The following SNTB1 variants were observed in gnomAD, a reference collection of about 807,000 sequenced individuals.
The protein encoded by SNTB1 is beta-1-syntrophin.
In SNTB1, 36 loss-of-function variants were observed where a neutral mutation model predicts 48.9. The observed-to-expected ratio is 0.74, with a 90% CI of 0.56 to 0.97. The LOEUF (loss-of-function observed/expected upper bound fraction) is 0.97, where lower values mean the gene tolerates loss of function less well. Ranked by LOEUF, SNTB1 falls within the 50% of genes least tolerant of loss-of-function variation. SNTB1 has a pLI of 0.00. For missense variants in SNTB1, 786 were observed against 703.4 expected (o/e 1.12, Z -1.33); for synonymous variants, 299 against 294.6 (o/e 1.01, Z -0.15).
chr8:120,551,133 G>GT (rs1815472441), intron 4 of SNTB1, among the ~76,000 whole-genome samples: 1 of 151,748 alleles, frequency 6.6e-6, no homozygotes. Flanking sequence ...GCACGCACCT[G>GT]TAATTCCAGC....
intron 3 of SNTB1, among the ~76,000 whole-genome samples, chr8:120,616,866 G>A (rs539159412): frequency 6.6e-6 from 1 of 152,210 alleles, no homozygotes; most frequent in Non-Finnish European, 1.5e-5. Flanking sequence ...CAACGAGGAG[G>A]TGCACACAAC....
intron 5 of SNTB1, among the ~76,000 whole-genome samples, chr8:120,546,375 T>C (rs1815380880): frequency 6.6e-6 from 1 of 152,222 alleles, no homozygotes. Context: ...CCGGGTTAAA[T>C]ATGGATGGAG....
chr8:120,554,333 A>G (rs1815529739), intron 4 of SNTB1, among the ~76,000 whole-genome samples: 1 of 152,078 alleles, frequency 6.6e-6, no homozygotes, highest in Non-Finnish European at 1.5e-5. Flanking sequence ...GCCACCCTTG[A>G]CTCTGAACTG....
chr8:120,598,860 CT>C (rs1816372240), intron 3 of SNTB1, among the ~76,000 whole-genome samples: 1 of 152,134 alleles, frequency 6.6e-6, no homozygotes, highest in Non-Finnish European at 1.5e-5. Flanking sequence ...CATCTTCTCT[CT>C]CTGACTCTGC....
chr8:120,680,173 G>A (rs1192977021), intron 2 of SNTB1, among the ~76,000 whole-genome samples: 4 of 152,140 alleles, frequency 2.6e-5, no homozygotes, highest in Admixed American at 2.6e-4. Flanking sequence ...TGTCCTTCCT[G>A]CGAGGAAGAC....
At chr8:120,748,125 T>A (rs540475734) in intron 1 of SNTB1, among the ~76,000 whole-genome samples, 18 of 152,306 alleles carry the variant, frequency 1.2e-4, no homozygotes. Context: ...TCACTTCCCT[T>A]TCTCTTGTGC....
intron 2 of SNTB1, among the ~76,000 whole-genome samples, chr8:120,651,213 C>T (rs1817406643): frequency 6.6e-6 from 1 of 152,122 alleles, no homozygotes; most frequent in South Asian, 2.1e-4. Flanking sequence ...TTCCAGAGTA[C>T]TGGGATTTGC....
At chr8:120,809,198 A>T (rs1820387714) in intron 1 of SNTB1, among the ~76,000 whole-genome samples, 1 of 152,238 alleles carries the variant, frequency 6.6e-6, no homozygotes, top group Non-Finnish European at 1.5e-5. Flanking sequence ...ACTTTGGCTC[A>T]GAATAAGAGA....
intron 1 of SNTB1, among the ~76,000 whole-genome samples, chr8:120,728,713 A>C (rs1818801682): frequency 6.6e-6 from 1 of 152,154 alleles, no homozygotes; most frequent in Non-Finnish European, 1.5e-5. Context: ...ATGTATATGT[A>C]CCACATTTTC....
At chr8:120,588,927 A>G (rs1816194325) in intron 3 of SNTB1, among the ~76,000 whole-genome samples, 1 of 152,120 alleles carries the variant, frequency 6.6e-6, no homozygotes, top group South Asian at 2.1e-4. Flanking sequence ...TCTGCATACT[A>G]TTGTTTGAGC....
chr8:120,644,313 TC>T (rs1053393641), intron 2 of SNTB1, among the ~76,000 whole-genome samples: 1 of 61,054 alleles, frequency 1.6e-5, no homozygotes, highest in Non-Finnish European at 2.9e-5. Flanking sequence ...CCCTCCCCCC[TC>T]CCCCCACCCC....
chr8:120,581,108 G>GAAAA (rs1816042789), intron 3 of SNTB1, among the ~76,000 whole-genome samples: 13 of 130,462 alleles, frequency 1.0e-4, no homozygotes, highest in African/African-American at 3.5e-4. Flanking sequence ...AAAAAAAAAA[G>GAAAA]AGAAAGAAAA....
intron 3 of SNTB1, among the ~76,000 whole-genome samples, chr8:120,625,341 C>T (rs1428892605): frequency 6.6e-6 from 1 of 152,200 alleles, no homozygotes; most frequent in Non-Finnish European, 1.5e-5. Flanking sequence ...TTGTATGAAT[C>T]AGCCTACAAG....
chr8:120,782,581 T>C (rs1819848263), intron 1 of SNTB1, among the ~76,000 whole-genome samples: 1 of 152,162 alleles, frequency 6.6e-6, no homozygotes, highest in South Asian at 2.1e-4. Context: ...AAATTAGGCA[T>C]AAATATGTAT....
At chr8:120,653,894 C>T (rs1817450107) in intron 2 of SNTB1, among the ~76,000 whole-genome samples, 1 of 151,362 alleles carries the variant, frequency 6.6e-6, no homozygotes, top group Non-Finnish European at 1.5e-5. Flanking sequence ...AAAAAATTAG[C>T]CGGGCATTGT....
intron 1 of SNTB1, among the ~76,000 whole-genome samples, chr8:120,760,313 A>AAAAAAC (rs1819396400): frequency 6.6e-6 from 1 of 151,120 alleles, no homozygotes; most frequent in African/African-American, 2.4e-5. Flanking sequence ...AAAAAAAAAA[A>AAAAAAC]CCCTGAAAAT....
In SNTB1 at chr8:120,675,523, A is replaced by G. The variant is rs929961012; in HGVS notation, c.788+18169T>C. On this transcript the variant is annotated intron_variant, in intron 2 of 6. Transcript: ENST00000517992. ...TTAGATCACTGGAGAAGCCAGGCTA[A>G]AGGGAAGCTCTGTCATTTTGTACTT... Among the ~76,000 whole-genome samples the G allele has an allele frequency of 2.0e-5, 3 of 152,186 alleles. No homozygotes were observed. The East Asian group carries it at 5.8e-4, about 29-fold the overall frequency.
At chr8:120,690,426 ATCTTC>A (rs1818105870) in intron 2 of SNTB1, among the ~76,000 whole-genome samples, 1 of 152,188 alleles carries the variant, frequency 6.6e-6, no homozygotes. Flanking sequence ...TTCTTCTTGC[ATCTTC>A]TGCAGTTTCC....
At chr8:120,584,267 C>A (rs574838386) in intron 3 of SNTB1, among the ~76,000 whole-genome samples, 11 of 151,996 alleles carry the variant, frequency 7.2e-5, no homozygotes, top group African/African-American at 2.7e-4. Context: ...CACTGTGAAA[C>A]CCTGTCTCTA....
Sources: allele counts gnomAD v4.1 joint callset (sites outside exome capture counted in the v4.1 genomes callset), GRCh38; gene constraint gnomAD v4.1.1; transcripts MANE v1.5; gene names NCBI Gene and HGNC (gene_info 2026-07-23, HGNC 2026-07-21).